Variants in PCNX2 observed in about 807,000 individuals in gnomAD.
The protein encoded by PCNX2 is pecanex 2.
In PCNX2, 168 loss-of-function variants were observed where a neutral mutation model predicts 223.8. That is an observed-to-expected ratio of 0.75 (90% CI 0.66 to 0.85). The LOEUF (loss-of-function observed/expected upper bound fraction) is 0.85, where lower values mean the gene tolerates loss of function less well. PCNX2 is among the 40% of genes least tolerant of loss of function. The probability of loss-of-function intolerance (pLI) is 0.00; values close to 1 mark genes in which losing one functional copy is unlikely to be tolerated. For synonymous variants in PCNX2, 1,006 were observed against 1,052.6 expected (o/e 0.96, Z 0.86); for missense variants, 2,507 against 2,675.5 (o/e 0.94, Z 1.39).
intron 21 of PCNX2, among the ~76,000 whole-genome samples, chr1:233,121,797 T>C (rs1161475301): frequency 6.6e-6 from 1 of 152,186 alleles, no homozygotes; most frequent in Non-Finnish European, 1.5e-5. Context: ...TCAAGTTTAG[T>C]TTAATGCCGA....
At chr1:233,012,975 C>T (rs1484500946) in intron 28 of PCNX2, among the ~76,000 whole-genome samples, 3 of 152,098 alleles carry the variant, frequency 2.0e-5, no homozygotes, top group African/African-American at 4.8e-5. Flanking sequence ...ATAAGGAGCC[C>T]GATCTTAGGG....
At position 233,137,671 on chromosome 1, in the gene PCNX2, C is replaced by T. The variant is rs977156144; in HGVS notation, c.3659+2043G>A. Among the ~76,000 whole-genome samples, 7 of 152,104 alleles carry T rather than the reference C, an allele frequency of 4.6e-5. 1 individual carries two copies. Among genetic ancestry groups the T allele is most frequent in the Admixed American group, 4.6e-4 (7 of 15,272 alleles). On this transcript the variant is annotated intron_variant, in intron 20 of 33. Coordinates refer to ENST00000258229, the MANE Select transcript of PCNX2 (RefSeq NM_014801.4). ...TTTCAAGAACTTATCCAGGATGTTA[C>T]GTGAAGATAGACTGCACTTAGCTGA...
chr1:233,122,958 A>G (rs1373557162), intron 21 of PCNX2, among the ~76,000 whole-genome samples: 1 of 152,224 alleles, frequency 6.6e-6, no homozygotes, highest in African/African-American at 2.4e-5. Context: ...AAAATACCTG[A>G]TCAGTACTCC....
At position 233,259,220 on chromosome 1, in the gene PCNX2, A is replaced by G. The variant is rs1659914151; in HGVS notation, c.642T>C (p.Pro214=). ...GAGTTTCTGTGGCAACTGGTTTTAC[A>G]GGTATTACTGACTTGGTCGTGGTTT... ...MLETTTKSVI[P]VKPVATETLI... is the part of the protein sequence containing the mutation. Residue 214 remains proline, a synonymous_variant, in exon 5 of 34, where the codon CCT becomes CCC. Coordinates refer to ENST00000258229, the MANE Select transcript of PCNX2 (RefSeq NM_014801.4). 1 of 1,613,852 alleles carries G rather than the reference A, an allele frequency of 6.2e-7. No individual in the cohort carries two copies. Among genetic ancestry groups the G allele is most frequent in the African/African-American group, 1.3e-5 (1 of 75,030 alleles).
intron 12 of PCNX2, among the ~76,000 whole-genome samples, chr1:233,217,645 T>C (rs907402178): frequency 6.6e-6 from 1 of 151,852 alleles, no homozygotes; most frequent in Non-Finnish European, 1.5e-5. Context: ...TTGAATCCAG[T>C]GGGATAGGAA....
At chr1:233,284,990 A>C in intron 1 of PCNX2, 1 of 985,376 alleles carries the variant, frequency 1.0e-6, no homozygotes, top group Non-Finnish European at 1.2e-6. Flanking sequence ...CTAACTACCT[A>C]TAATGAGCAG....
At chr1:233,038,569 C>T (rs570726713) in intron 25 of PCNX2, among the ~76,000 whole-genome samples, 45 of 152,186 alleles carry the variant, frequency 3.0e-4, no homozygotes, top group African/African-American at 1.0e-3. Context: ...AAGAAAAATA[C>T]GTGGTCAGGG....
intron 15 of PCNX2, among the ~76,000 whole-genome samples, chr1:233,189,030 G>A (rs1028352663): frequency 6.6e-6 from 1 of 152,136 alleles, no homozygotes; most frequent in Non-Finnish European, 1.5e-5. Flanking sequence ...GGCCATCTTA[G>A]AATTCAGCCT....
At chr1:233,042,252 G>A (rs759503836) in intron 25 of PCNX2, among the ~76,000 whole-genome samples, 17 of 152,032 alleles carry the variant, frequency 1.1e-4, no homozygotes, top group Admixed American at 5.2e-4. Flanking sequence ...TTCCACTTCT[G>A]TGGATGAACA....
chr1:233,314,389 T>C, the PCNX2 span, among the ~76,000 whole-genome samples: 2 of 152,170 alleles, frequency 1.3e-5, no homozygotes, highest in Non-Finnish European at 2.9e-5. Context: ...TTTGTGTATA[T>C]GACCTTTTCA....
chr1:233,195,409 T>C (rs1680671054), intron 15 of PCNX2, among the ~76,000 whole-genome samples: 1 of 152,178 alleles, frequency 6.6e-6, no homozygotes, highest in African/African-American at 2.4e-5. Flanking sequence ...AAGGCAAAGA[T>C]GTCTGATTTC....
chr1:233,145,059 G>A (rs1677361623), intron 19 of PCNX2, among the ~76,000 whole-genome samples: 2 of 151,222 alleles, frequency 1.3e-5, no homozygotes, highest in Non-Finnish European at 2.9e-5. Context: ...CCGTCTCCCG[G>A]GTTCAAGCCA....
intron 32 of PCNX2, among the ~76,000 whole-genome samples, chr1:232,994,117 G>A (rs1017107881): frequency 2.0e-5 from 3 of 152,202 alleles, no homozygotes; most frequent in Non-Finnish European, 4.4e-5. Flanking sequence ...TATGAGAAGA[G>A]GGCCACCATC....
chr1:233,219,127 A>G (rs1484473392), intron 10 of PCNX2, among the ~76,000 whole-genome samples: 1 of 152,076 alleles, frequency 6.6e-6, no homozygotes. Context: ...GTGGAGTGTT[A>G]TCAGGTGGGT....
At chr1:233,285,116 G>A in intron 1 of PCNX2, 1 of 617,920 alleles carries the variant, frequency 1.6e-6, no homozygotes, top group Non-Finnish European at 2.0e-6. Context: ...ACTTCGGGAG[G>A]CCAAAGTGAG....
intron 23 of PCNX2, among the ~76,000 whole-genome samples, chr1:233,082,612 T>A (rs1016337571): frequency 6.6e-6 from 1 of 152,214 alleles, no homozygotes; most frequent in Non-Finnish European, 1.5e-5. Context: ...AATTGCATTG[T>A]ACTATTAACC....
the PCNX2 span, among the ~76,000 whole-genome samples, chr1:233,317,462 AT>A: frequency 2.0e-5 from 3 of 152,088 alleles, no homozygotes; most frequent in African/African-American, 7.2e-5. Flanking sequence ...AAAAAAACTG[AT>A]GACAACAAGA....
intron 8 of PCNX2, among the ~76,000 whole-genome samples, chr1:233,240,045 TG>T (rs1332698900): frequency 6.6e-6 from 1 of 152,252 alleles, no homozygotes; most frequent in African/African-American, 2.4e-5. Context: ...AAACCTGTAT[TG>T]TCATCTGTAT....
At chr1:232,987,285 C>T (rs934815583) in intron 32 of PCNX2, among the ~76,000 whole-genome samples, 2 of 152,216 alleles carry the variant, frequency 1.3e-5, no homozygotes, top group African/African-American at 4.8e-5. Context: ...TGGTTGTGTC[C>T]ATGCTGCTGG....
Sources: gnomAD v4.1 joint callset for allele counts (sites outside exome capture counted in the v4.1 genomes callset) on GRCh38, gnomAD v4.1.1 for gene constraint, MANE v1.5 for transcripts, NCBI Gene and HGNC (gene_info 2026-07-23, HGNC 2026-07-21) for gene names.